GSDMC: variants seen among roughly 807,000 people sequenced by gnomAD.
GSDMC encodes gasdermin C, also known as gasdermin-C.
A neutral mutation model predicts 58.0 loss-of-function variants in GSDMC; 59 were observed. That is an observed-to-expected ratio of 1.02 (90% CI 0.82 to 1.26). The LOEUF (loss-of-function observed/expected upper bound fraction) is 1.26, where lower values mean the gene tolerates loss of function less well. Among genes scored for constraint, GSDMC ranks in the 50% most tolerant of loss-of-function variants. The pLI is 0.00. For synonymous variants in GSDMC, 241 were observed against 220.2 expected, an observed-to-expected ratio of 1.09 and a Z score of -0.83; for missense variants, 659 against 598.5, an observed-to-expected ratio of 1.10 and a Z score of -1.06.
chr8:129,779,243 A>T (rs994916345), intron 1 of GSDMC, among the ~76,000 whole-genome samples: 1 of 152,180 alleles, frequency 6.6e-6, no homozygotes, highest in African/African-American at 2.4e-5. Context: ...GATAAAGAAA[A>T]CGCGGTACAT....
At chr8:129,767,820 A>G (rs1306447525) in intron 3 of GSDMC, among the ~76,000 whole-genome samples, 11 of 152,018 alleles carry the variant, frequency 7.2e-5, no homozygotes, top group Admixed American at 6.5e-4. Context: ...CCAGTCAGGG[A>G]GCACTTCATG....
At chr8:129,735,109 TC>T in the GSDMC span, among the ~76,000 whole-genome samples, 4 of 152,120 alleles carry the variant, frequency 2.6e-5, no homozygotes, top group Non-Finnish European at 4.4e-5. Context: ...GAGCTAACTA[TC>T]CTAAATATAT....
chr8:129,759,803 A>C (rs117253680), intron 6 of GSDMC, among the ~76,000 whole-genome samples: 3,679 of 152,220 alleles, frequency 0.024, 64 homozygotes, highest in Non-Finnish European at 0.037. Context: ...AACAGTTTGG[A>C]CCTTCCTCAA....
At chr8:129,740,496 A>G in the GSDMC span, among the ~76,000 whole-genome samples, 415 of 152,296 alleles carry the variant, frequency 2.7e-3, 1 homozygote, top group African/African-American at 9.7e-3. Context: ...GTTTAGTTAC[A>G]CAAATTCTTA....
chr8:129,783,779 A>T (rs1219019606), intron 1 of GSDMC, among the ~76,000 whole-genome samples: 2 of 152,186 alleles, frequency 1.3e-5, no homozygotes, highest in East Asian at 3.8e-4. Context: ...ACCCAGAATA[A>T]CAAAATCTAT....
chr8:129,726,100 A>G, the GSDMC span, among the ~76,000 whole-genome samples: 3 of 152,236 alleles, frequency 2.0e-5, no homozygotes, highest in African/African-American at 7.2e-5. Flanking sequence ...AATCAGATTT[A>G]TCACAGAATC....
rs1045692601 is a variant in GSDMC, at chr8:129,748,220, T to G, written c.*281A>C. 2 of 241,150 alleles carry G rather than the reference T, an allele frequency of 8.3e-6. No homozygotes were observed. The highest frequency in any genetic ancestry group is 4.5e-5 in the African/African-American group (2 of 44,846). The allele number at this position is 241,150 out of a possible 1,614,324, so 14.9% of individuals were successfully genotyped here. The stretch of plus-strand genomic sequence containing the variant: ...CTAGAGTCAGTATTTGTTTTTATTA[T>G]TTTGAAGTAAAATTTATACATAGTG... On this transcript the variant is annotated 3_prime_UTR_variant, in exon 14 of 14. Transcript: ENST00000276708.
chr8:129,718,115 A>G, the GSDMC span, among the ~76,000 whole-genome samples: 1 of 152,234 alleles, frequency 6.6e-6, no homozygotes, highest in Admixed American at 6.5e-5. Flanking sequence ...AGGCATGGGC[A>G]AAGACTTCAT....
the GSDMC span, among the ~76,000 whole-genome samples, chr8:129,741,408 T>C: frequency 6.6e-6 from 1 of 152,174 alleles, no homozygotes; most frequent in Admixed American, 6.5e-5. Context: ...AAGAATTGCA[T>C]TGAATCTGTA....
At chr8:129,734,692 C>A in the GSDMC span, among the ~76,000 whole-genome samples, 1 of 152,162 alleles carries the variant, frequency 6.6e-6, no homozygotes, top group South Asian at 2.1e-4. Context: ...ACAACTGGTA[C>A]CAGACACTGC....
chr8:129,785,032 G>A (rs1477989375), intron 1 of GSDMC, among the ~76,000 whole-genome samples: 1 of 152,118 alleles, frequency 6.6e-6, no homozygotes, highest in East Asian at 1.9e-4. Flanking sequence ...GACCAACATG[G>A]AGAAACCCCG....
the GSDMC span, among the ~76,000 whole-genome samples, chr8:129,711,312 C>A: frequency 6.6e-6 from 1 of 152,074 alleles, no homozygotes; most frequent in African/African-American, 2.4e-5. Context: ...TTGATGGCAG[C>A]CTTGCAAGGT....
chr8:129,727,411 C>T, the GSDMC span, among the ~76,000 whole-genome samples: 49,348 of 151,988 alleles, frequency 0.32, 11,608 homozygotes, highest in African/African-American at 0.65. Context: ...AGGAGAACGC[C>T]GGCAAACAGC....
rs1273115314 is a variant in GSDMC, at chr8:129,748,513, C to T, written c.1515G>A (p.Leu505=). The change falls in exon 14 of 14, where the codon CTG becomes CTA. Residue 505 remains leucine, a synonymous_variant. Transcript: ENST00000276708. ...LYGTLSLLQQ[L]AEA is the part of the protein sequence containing the mutation. Reference sequence around the variant, plus strand: ...CATCAGGGAGGGCTTAGGCCTCAGCCAGCTGCTGCAGCAACGAGAGAGTCC... The same window carrying T: ...CATCAGGGAGGGCTTAGGCCTCAGCTAGCTGCTGCAGCAACGAGAGAGTCC... 3 of 1,606,740 alleles carry T rather than the reference C, an allele frequency of 1.9e-6. No homozygotes were observed. Among genetic ancestry groups the T allele is most frequent in the Admixed American group, 3.4e-5 (2 of 59,348 alleles).
the GSDMC span, among the ~76,000 whole-genome samples, chr8:129,737,432 C>T: frequency 2.0e-5 from 3 of 152,136 alleles, no homozygotes; most frequent in Non-Finnish European, 4.4e-5. Flanking sequence ...GGTACTGTTA[C>T]CAAAACAGAG....
chr8:129,744,214 G>A (rs941066661), downstream of GSDMC, among the ~76,000 whole-genome samples: 2 of 152,118 alleles, frequency 1.3e-5, no homozygotes, highest in Admixed American at 1.3e-4. Flanking sequence ...GCAATCTTAG[G>A]ACTCCTGTTT....
rs1457333911 is a variant in GSDMC at position 129,751,878 on chromosome 8, A to C, written c.900T>G (p.Val300=). Residue 300 remains valine, a synonymous_variant, in exon 9 of 14, where the codon GTT becomes GTG. Transcript: ENST00000276708. ...CACACTCACCTACTGGGAGGATGTG[A>C]ACTTGTTCGTATTCTAAAAAAAGAA... The part of the protein sequence containing the change: ...LSGHLPKYEQ[V]HILPVGRIEE... 5 of 1,609,312 alleles carry C rather than the reference A, an allele frequency of 3.1e-6. No individual in the cohort carries two copies. Among genetic ancestry groups the C allele is most frequent in the Non-Finnish European group, 4.2e-6 (5 of 1,176,860 alleles).
rs1259066671 is a variant in GSDMC, at chr8:129,752,839, C to G, written c.722-19G>C. The G allele has an allele frequency of 6.2e-7, 1 of 1,613,832 alleles. No homozygotes were observed. The highest frequency in any genetic ancestry group is 2.2e-5 in the East Asian group (1 of 44,870). On this transcript the variant is annotated intron_variant, in intron 6 of 13. Transcript: ENST00000276708. ...TCGTACTCTTGGGAGAGAGGGAGAGCAGAATGACTGGGTAACTTTACATTG... is the reference window on the plus strand; with the variant it reads ...TCGTACTCTTGGGAGAGAGGGAGAGGAGAATGACTGGGTAACTTTACATTG...
chr8:129,746,752 G>A (rs1470337976), downstream of GSDMC, among the ~76,000 whole-genome samples: 1 of 152,112 alleles, frequency 6.6e-6, no homozygotes, highest in Non-Finnish European at 1.5e-5. Context: ...GGAGACCTTT[G>A]CATGGCTACA....
Sources: gnomAD v4.1 joint callset for allele counts (sites outside exome capture counted in the v4.1 genomes callset) on GRCh38, gnomAD v4.1.1 for gene constraint, MANE v1.5 for transcripts, NCBI Gene and HGNC (gene_info 2026-07-23, HGNC 2026-07-21) for gene names.